FBXW4: variants seen among roughly 807,000 people sequenced by gnomAD.
The protein encoded by FBXW4 is F-box and WD repeat domain containing 4.
In FBXW4, 40 loss-of-function variants were observed where a neutral mutation model predicts 61.8. The observed-to-expected ratio is 0.65, with a 90% CI of 0.50 to 0.84. FBXW4 has a LOEUF of 0.84. FBXW4 is among the 40% of genes least tolerant of loss of function. The pLI is 0.00. For synonymous variants in FBXW4, 311 were observed against 313.8 expected, an observed-to-expected ratio of 0.99 and a Z score of 0.10; for missense variants, 672 against 753.8, an observed-to-expected ratio of 0.89 and a Z score of 1.27.
chr10:101,650,540 T>C (rs117574349), intron 5 of FBXW4, among the ~76,000 whole-genome samples: 2 of 152,226 alleles, frequency 1.3e-5, no homozygotes, highest in Non-Finnish European at 2.9e-5. Flanking sequence ...GGCAGCCCTA[T>C]GGGGTAGAAC....
intron 5 of FBXW4, among the ~76,000 whole-genome samples, chr10:101,633,124 A>C (rs764831578): frequency 6.6e-6 from 1 of 152,230 alleles, no homozygotes; most frequent in East Asian, 1.9e-4. Context: ...CAGAAATAGT[A>C]ATAGTACCTA....
intron 5 of FBXW4, among the ~76,000 whole-genome samples, chr10:101,657,477 T>C (rs568181555): frequency 7.9e-5 from 12 of 151,574 alleles, no homozygotes; most frequent in Non-Finnish European, 1.5e-4. Flanking sequence ...CTATTAAAAA[T>C]ACAAAAATTA....
At chr10:101,617,568 A>G (rs1010983064) in intron 6 of FBXW4, among the ~76,000 whole-genome samples, 1 of 152,200 alleles carries the variant, frequency 6.6e-6, no homozygotes, top group Non-Finnish European at 1.5e-5. Context: ...TCTCACATGC[A>G]TGTGTCTGTG....
rs376329921 is a variant in FBXW4 at position 101,611,289 on chromosome 10, G to A, written c.*2C>T. The A allele has an allele frequency of 4.8e-5, 77 of 1,613,128 alleles. No individual in the cohort carries two copies. Among genetic ancestry groups the A allele is most frequent in the Non-Finnish European group, 6.1e-5 (72 of 1,179,740 alleles). On this transcript the variant is annotated 3_prime_UTR_variant, in exon 9 of 9. Coordinates refer to ENST00000331272, the MANE Select transcript of FBXW4 (RefSeq NM_022039.4). This position sits in a 1 kb window ranked among gnomAD's most constrained non-coding sequence, Gnocchi z 4.9. ...GCCCAGAGGCAGGGGTGGCCCTGAC[G>A]GTCATGGGTTTTGAAAATCCAGGAC...
At chr10:101,643,017 C>T (rs1461082440) in intron 5 of FBXW4, among the ~76,000 whole-genome samples, 1 of 152,188 alleles carries the variant, frequency 6.6e-6, no homozygotes, top group Admixed American at 6.5e-5. Flanking sequence ...AATAAGGTCA[C>T]CTTATCTTTC....
At chr10:101,682,051 GTACAA>G (rs560903814) in intron 1 of FBXW4, among the ~76,000 whole-genome samples, 12 of 152,108 alleles carry the variant, frequency 7.9e-5, no homozygotes, top group Admixed American at 5.2e-4. Flanking sequence ...CTAAAACGAA[GTACAA>G]TACATGTTAT....
chr10:101,652,868 C>T (rs1259952507), intron 5 of FBXW4, among the ~76,000 whole-genome samples: 1 of 152,196 alleles, frequency 6.6e-6, no homozygotes, highest in African/African-American at 2.4e-5. Flanking sequence ...AGTTTTCCTT[C>T]TGCCTCTGAT....
At chr10:101,638,774 G>A (rs890260942) in intron 5 of FBXW4, among the ~76,000 whole-genome samples, 5 of 152,218 alleles carry the variant, frequency 3.3e-5, no homozygotes, top group East Asian at 1.9e-4. Flanking sequence ...GGCTCCATCC[G>A]GGACTTGACA....
chr10:101,691,408 C>T (rs1326709945), intron 1 of FBXW4, among the ~76,000 whole-genome samples: 1 of 152,206 alleles, frequency 6.6e-6, no homozygotes, highest in African/African-American at 2.4e-5. Context: ...AGCAGTGACC[C>T]TGCTCTTTAT....
At chr10:101,646,475 G>C (rs1432531100) in intron 5 of FBXW4, among the ~76,000 whole-genome samples, 1 of 152,228 alleles carries the variant, frequency 6.6e-6, no homozygotes, top group Non-Finnish European at 1.5e-5. Context: ...GTGGTTCTCA[G>C]AGGAGATCCC....
At chr10:101,666,626 C>G (rs186937561) in intron 5 of FBXW4, among the ~76,000 whole-genome samples, 2 of 152,064 alleles carry the variant, frequency 1.3e-5, no homozygotes, top group Non-Finnish European at 2.9e-5. Context: ...AGGAAGTGGA[C>G]GAAGATCCTA....
intron 5 of FBXW4, among the ~76,000 whole-genome samples, chr10:101,665,017 C>G (rs2064284672): frequency 6.6e-6 from 1 of 152,114 alleles, no homozygotes; most frequent in Admixed American, 6.5e-5. Context: ...GAAGGCAAAA[C>G]AGAACTCATC....
chr10:101,668,472 A>AT (rs2064328118), intron 4 of FBXW4, among the ~76,000 whole-genome samples: 2 of 152,202 alleles, frequency 1.3e-5, no homozygotes, highest in East Asian at 3.9e-4. Flanking sequence ...GAAGGAAAGA[A>AT]TGGAAGAAGA....
chr10:101,689,511 CAATA>C (rs2064569951), intron 1 of FBXW4, among the ~76,000 whole-genome samples: 1 of 152,178 alleles, frequency 6.6e-6, no homozygotes, highest in Non-Finnish European at 1.5e-5. Context: ...ACGCCGAAGA[CAATA>C]AATACATCCA....
intron 4 of FBXW4, 51 bp from the exon 5 acceptor site, chr10:101,668,031 G>A (rs747499790): frequency 3.2e-5 from 46 of 1,418,152 alleles, no homozygotes. Context: ...GGATCAGTGG[G>A]GAGGAGAGGT....
intron 6 of FBXW4, among the ~76,000 whole-genome samples, chr10:101,618,766 C>T (rs1449938348): frequency 1.3e-5 from 2 of 152,206 alleles, no homozygotes; most frequent in East Asian, 3.9e-4. Context: ...CCTACTATGA[C>T]ACCTTCAGGT....
upstream of FBXW4, chr10:101,695,283 C>T: frequency 1.3e-6 from 1 of 793,816 alleles, no homozygotes; most frequent in Non-Finnish European, 1.5e-6. The surrounding 1 kb of genome is among the most constrained non-coding windows in gnomAD (Gnocchi z 4.2). Context: ...GGGGCCGGGG[C>T]GCTGACACCA....
intron 6 of FBXW4, chr10:101,622,842 T>C (rs1463343221): frequency 6.7e-6 from 1 of 149,100 alleles, no homozygotes; most frequent in Non-Finnish European, 1.5e-5. Flanking sequence ...CAAAACTCAA[T>C]GGTAAAAAAA....
intron 4 of FBXW4, among the ~76,000 whole-genome samples, chr10:101,669,406 G>A (rs183827024): frequency 6.6e-6 from 1 of 152,274 alleles, no homozygotes; most frequent in East Asian, 1.9e-4. Flanking sequence ...TTCTTTCTTA[G>A]GGGGTGAGGA....
Sources: gnomAD v4.1 joint callset for allele counts (sites outside exome capture counted in the v4.1 genomes callset) on GRCh38, gnomAD v4.1.1 for gene constraint, Gnocchi (gnomAD v3.1) non-coding constraint, MANE v1.5 for transcripts, NCBI Gene and HGNC (gene_info 2026-07-23, HGNC 2026-07-21) for gene names.